Variants in DNAI4 observed in about 807,000 individuals in gnomAD.
DNAI4 encodes WD repeat domain 78.
A neutral mutation model predicts 105.8 loss-of-function variants in DNAI4; 85 were observed. The ratio of observed to expected loss-of-function variants is 0.80; its 90% CI spans 0.67 to 0.96. The LOEUF is 0.96. DNAI4 is among the 40% of genes least tolerant of loss of function. The probability of loss-of-function intolerance (pLI) is 0.00; values close to 1 mark genes in which losing one functional copy is unlikely to be tolerated. For synonymous variants in DNAI4, 352 were observed against 331.5 expected, an observed-to-expected ratio of 1.06 and a Z score of -0.67; for missense variants, 1,014 against 1,005.6, an observed-to-expected ratio of 1.01 and a Z score of -0.11.
chr1:66,850,490 G>A (rs1326150356), intron 7 of DNAI4, among the ~76,000 whole-genome samples: 2 of 151,654 alleles, frequency 1.3e-5, no homozygotes, highest in African/African-American at 4.8e-5. Flanking sequence ...GGAAGAAAAT[G>A]AGAAAGGAAT....
intron 9 of DNAI4, among the ~76,000 whole-genome samples, chr1:66,838,961 G>A (rs938006127): frequency 1.3e-5 from 2 of 152,062 alleles, no homozygotes; most frequent in Non-Finnish European, 2.9e-5. Flanking sequence ...CAGAGTTAAC[G>A]TTCAACAAAT....
intron 15 of DNAI4, among the ~76,000 whole-genome samples, 183 bp downstream of exon 15, chr1:66,826,637 T>A (rs1430716708): frequency 6.6e-6 from 1 of 152,134 alleles, no homozygotes; most frequent in Non-Finnish European, 1.5e-5. Context: ...TAAAACCACA[T>A]ATGGTATAAA....
chr1:66,863,964 T>C (rs1646680263), intron 6 of DNAI4, among the ~76,000 whole-genome samples: 1 of 152,202 alleles, frequency 6.6e-6, no homozygotes, highest in Admixed American at 6.5e-5. Flanking sequence ...TTTGTTTAAC[T>C]GAAAGTTTAG....
At chr1:66,847,953 C>G (rs1396843644) in intron 7 of DNAI4, 2 of 388,486 alleles carry the variant, frequency 5.1e-6, no homozygotes, top group African/African-American at 4.2e-5. Flanking sequence ...TTTTAAAATT[C>G]AAGTTGAAAT....
intron 8 of DNAI4, among the ~76,000 whole-genome samples, chr1:66,844,746 A>G (rs1472182912): frequency 2.6e-5 from 4 of 152,184 alleles, no homozygotes. Flanking sequence ...TTGGCAGATT[A>G]GATTTCGCAA....
intron 9 of DNAI4, 65 bp from the exon 10 acceptor site, chr1:66,837,861 A>G: frequency 2.9e-6 from 4 of 1,390,362 alleles, no homozygotes; most frequent in Non-Finnish European, 3.0e-6. Context: ...GTAAATGTAT[A>G]AAGATATATA....
chr1:66,832,568 G>T (rs1645889879), intron 13 of DNAI4, among the ~76,000 whole-genome samples: 1 of 152,034 alleles, frequency 6.6e-6, no homozygotes, highest in African/African-American at 2.4e-5. Context: ...TGGGTACAAA[G>T]AAATAGAATG....
At chr1:66,830,640 G>T (rs183786207) in intron 13 of DNAI4, among the ~76,000 whole-genome samples, 1 of 151,942 alleles carries the variant, frequency 6.6e-6, no homozygotes, top group Admixed American at 6.6e-5. Flanking sequence ...AAGTAGCTGG[G>T]TGTGGTGGTG....
chr1:66,869,727 AG>A (rs1052961883), intron 6 of DNAI4, among the ~76,000 whole-genome samples: 1 of 152,210 alleles, frequency 6.6e-6, no homozygotes, highest in Non-Finnish European at 1.5e-5. Flanking sequence ...TTAGATGTGC[AG>A]CAACAATGAG....
chr1:66,869,386 T>C (rs1646795521), intron 6 of DNAI4, among the ~76,000 whole-genome samples: 1 of 152,060 alleles, frequency 6.6e-6, no homozygotes, highest in Non-Finnish European at 1.5e-5. Context: ...AGCATAAAGT[T>C]ACATACAGTA....
intron 7 of DNAI4, among the ~76,000 whole-genome samples, chr1:66,855,482 A>G (rs559886297): frequency 6.6e-6 from 1 of 152,386 alleles, no homozygotes; most frequent in South Asian, 2.1e-4. Context: ...TGCTTTCAAT[A>G]TAAAGATACA....
At chr1:66,876,218 G>A (rs1035641004) in intron 4 of DNAI4, among the ~76,000 whole-genome samples, 1 of 152,056 alleles carries the variant, frequency 6.6e-6, no homozygotes, top group Non-Finnish European at 1.5e-5. Context: ...TGAGGTACAT[G>A]TAGTCCAAAC....
chr1:66,911,582 A>G lies in DNAI4; in HGVS notation c.171-6207T>C, dbSNP rs1649659663. ...CTAGTCATGGTCAACTCATTAGCAT[A>G]CAAAAAGACAACACTCTGGAGATTC... On this transcript the variant is annotated intron_variant, in intron 1 of 16. Transcript: ENST00000371026. Among the ~76,000 whole-genome samples the G allele has an allele frequency of 2.0e-5, 3 of 152,238 alleles. No individual in the cohort carries two copies. In the South Asian group the frequency reaches 6.2e-4, roughly 31 times the overall value.
chr1:66,890,840 A>C lies in DNAI4; in HGVS notation c.643+314T>G. Reference sequence around the variant, plus strand: ...AAGAGGAAAAGAGGAAGAGGAAGAAAAGGAAGAGGAAGAAGAAGAGGAAGA... The same window carrying C: ...AAGAGGAAAAGAGGAAGAGGAAGAACAGGAAGAGGAAGAAGAAGAGGAAGA... On this transcript the variant is annotated intron_variant, in intron 4 of 16. Coordinates refer to ENST00000371026, the MANE Select transcript of DNAI4 (RefSeq NM_024763.5). The surrounding 1 kb of genome is among the most constrained non-coding windows in gnomAD (Gnocchi z 4.1). 2.7e-6 allele frequency: 1 copy of C among 364,910 alleles called. No individual in the cohort carries two copies. Among genetic ancestry groups the C allele is most frequent in the African/African-American group, 2.3e-5 (1 of 43,284 alleles). 22.6% of individuals were successfully genotyped at this position (364,910 alleles called of 1,614,324 possible).
intron 4 of DNAI4, among the ~76,000 whole-genome samples, chr1:66,883,322 G>C (rs1271978529): frequency 6.6e-6 from 1 of 151,330 alleles, no homozygotes; most frequent in Non-Finnish European, 1.5e-5. Context: ...CTTGTCACCA[G>C]ACTGGAGTGC....
At chr1:66,840,435 A>G (rs1199179642) in intron 9 of DNAI4, 34 bp downstream of exon 9, 8 of 1,573,324 alleles carry the variant, frequency 5.1e-6, no homozygotes, top group Non-Finnish European at 7.0e-6. Context: ...CTTCAATGCT[A>G]GAAACAGAAT....
At chr1:66,832,486 T>C (rs943180364) in intron 13 of DNAI4, among the ~76,000 whole-genome samples, 1 of 152,076 alleles carries the variant, frequency 6.6e-6, no homozygotes, top group Non-Finnish European at 1.5e-5. Context: ...TCCAGACTGA[T>C]AGAGAGTACA....
At chr1:66,915,674 G>A (rs1569893347) in intron 1 of DNAI4, among the ~76,000 whole-genome samples, 1 of 151,774 alleles carries the variant, frequency 6.6e-6, no homozygotes, top group Non-Finnish European at 1.5e-5. Flanking sequence ...TTAAAAAAAC[G>A]GTGAACAAGT....
chr1:66,823,076 A>T (rs1003694211), intron 15 of DNAI4, among the ~76,000 whole-genome samples: 1 of 146,518 alleles, frequency 6.8e-6, no homozygotes, highest in African/African-American at 2.5e-5. Flanking sequence ...ACCCCACAAC[A>T]GTCCCCAGAG....
Sources: allele counts gnomAD v4.1 joint callset (sites outside exome capture counted in the v4.1 genomes callset), GRCh38; gene constraint gnomAD v4.1.1; non-coding constraint Gnocchi (gnomAD v3.1); transcripts MANE v1.5; gene names NCBI Gene and HGNC (gene_info 2026-07-23, HGNC 2026-07-21).